The following MYO6 variants were observed in gnomAD, a reference collection of about 807,000 sequenced individuals.
MYO6 encodes the protein unconventional myosin-VI.
In MYO6, 74 loss-of-function variants were observed where a neutral mutation model predicts 178.7. The ratio of observed to expected loss-of-function variants is 0.41; its 90% CI spans 0.34 to 0.50. The LOEUF is 0.50. Ranked by LOEUF, MYO6 falls within the 20% of genes least tolerant of loss-of-function variation. The pLI is 0.09. For synonymous variants in MYO6, 477 were observed against 504.6 expected, an observed-to-expected ratio of 0.95 and a Z score of 0.73; for missense variants, 1,330 against 1,547.4, an observed-to-expected ratio of 0.86 and a Z score of 2.36.
At chr6:75,906,563 C>G (rs1232884700) in intron 30 of MYO6, among the ~76,000 whole-genome samples, 1 of 152,000 alleles carries the variant, frequency 6.6e-6, no homozygotes, top group Non-Finnish European at 1.5e-5. Flanking sequence ...GTAGTCCCAG[C>G]TATTTAGGAG....
At chr6:75,813,099 A>G (rs1770853805) in intron 1 of MYO6, among the ~76,000 whole-genome samples, 1 of 152,140 alleles carries the variant, frequency 6.6e-6, no homozygotes, top group Admixed American at 6.5e-5. Flanking sequence ...ATTACCAGTG[A>G]GTTTTGTACC....
chr6:75,840,907 C>G (rs575016261), intron 8 of MYO6, among the ~76,000 whole-genome samples: 1 of 152,244 alleles, frequency 6.6e-6, no homozygotes, highest in South Asian at 2.1e-4. Context: ...TACTGTATAG[C>G]TAGTCATGTA....
At chr6:75,893,722 G>A (rs887869778) in intron 28 of MYO6, among the ~76,000 whole-genome samples, 1 of 152,164 alleles carries the variant, frequency 6.6e-6, no homozygotes, top group African/African-American at 2.4e-5. Flanking sequence ...GGGAGCTCTG[G>A]GACTGCTTGT....
chr6:75,805,935 T>C (rs2150131893), intron 1 of MYO6, among the ~76,000 whole-genome samples: 1 of 152,296 alleles, frequency 6.6e-6, no homozygotes, highest in Non-Finnish European at 1.5e-5. Flanking sequence ...TTAAGTACTC[T>C]TCATATGCAA....
At chr6:75,802,734 A>G (rs1304146079) in intron 1 of MYO6, among the ~76,000 whole-genome samples, 2 of 152,026 alleles carry the variant, frequency 1.3e-5, no homozygotes, top group Non-Finnish European at 2.9e-5. Context: ...CAATCTCTCC[A>G]GCTTGGCCTC....
At chr6:75,881,433 C>G (rs796115866) in intron 22 of MYO6, among the ~76,000 whole-genome samples, 4 of 140,078 alleles carry the variant, frequency 2.9e-5, no homozygotes, top group African/African-American at 7.9e-5. Flanking sequence ...TCCCCCCCCC[C>G]CACTTTTGTT....
At chr6:75,898,903 C>T (rs1426666034) in intron 30 of MYO6, among the ~76,000 whole-genome samples, 1 of 152,120 alleles carries the variant, frequency 6.6e-6, no homozygotes. Context: ...GGATCTGGTC[C>T]ATTACTTTTA....
intron 14 of MYO6, among the ~76,000 whole-genome samples, chr6:75,859,947 A>G (rs1217978744): frequency 6.6e-6 from 1 of 152,206 alleles, no homozygotes; most frequent in East Asian, 1.9e-4. Context: ...GGCGTGAGCC[A>G]TCATGCCCGA....
rs1781253476 is a variant in MYO6, at chr6:75,918,541, A to G, written c.*3529A>G. ...TGCCCGGTGTATACATTCTTAGCAC[A>G]TAGGAATGGCACTGCCATACTGGAG... On this transcript the variant is annotated 3_prime_UTR_variant, in exon 35 of 35. Coordinates refer to ENST00000369977, the MANE Select transcript of MYO6 (RefSeq NM_004999.4). 1 of 152,252 alleles carries G rather than the reference A, an allele frequency of 6.6e-6. No homozygotes were observed. The highest frequency in any genetic ancestry group is 6.5e-5 in the Admixed American group (1 of 15,288). 9.4% of individuals were successfully genotyped at this position (152,252 alleles called of 1,614,324 possible).
intron 30 of MYO6, among the ~76,000 whole-genome samples, chr6:75,901,294 G>C (rs1779755493): frequency 6.6e-6 from 1 of 152,118 alleles, no homozygotes; most frequent in Non-Finnish European, 1.5e-5. Flanking sequence ...GCTTGATGGG[G>C]ATGGCATTGA....
At position 75,886,113 on chromosome 6, in the gene MYO6, A is replaced by G. The variant is rs370874013; in HGVS notation, c.2507+19A>G. 1,289 of 1,529,608 alleles carry G rather than the reference A, an allele frequency of 8.4e-4. 1 individual carries two copies. The highest frequency in any genetic ancestry group is 1.1e-3 in the Non-Finnish European group (1,249 of 1,104,682). 94.8% of individuals were successfully genotyped at this position (1,529,608 alleles called of 1,614,324 possible). A position where few individuals can be genotyped will look rare whatever the true frequency, so the allele number is the denominator to read the frequency against. On this transcript the variant is annotated intron_variant, in intron 24 of 34. Coordinates refer to ENST00000369977, the MANE Select transcript of MYO6 (RefSeq NM_004999.4). ...AACCTCGGTAAGATGAATAGTTCCT[A>G]AAAAGAACTCTACAAAACCTAGTTA...
At chr6:75,887,599 C>A (rs182985817) in intron 25 of MYO6, among the ~76,000 whole-genome samples, 2 of 142,690 alleles carry the variant, frequency 1.4e-5, no homozygotes, top group Admixed American at 7.5e-5. Context: ...CAAGATTGTG[C>A]CACTGCACTC....
intron 7 of MYO6, among the ~76,000 whole-genome samples, chr6:75,838,313 TC>T (rs1422189099): frequency 1.3e-5 from 2 of 152,052 alleles, no homozygotes; most frequent in East Asian, 3.9e-4. Context: ...TGCCTCAGCC[TC>T]CCAAAGTGTT....
In MYO6 at chr6:75,879,939, C is replaced by T; in HGVS notation, c.2197C>T (p.Leu733=). 1.2e-6 allele frequency: 2 copies of T among 1,614,082 alleles called. No individual in the cohort carries two copies. The highest frequency in any genetic ancestry group is 1.7e-6 in the Non-Finnish European group (2 of 1,179,982). ...PDKLARLDPR[L]FCKALFKALG... ...TAAACTTGCAAGATTGGATCCAAGA[C>T]TATTTTGTAAGGTATAAATGCCACC... is the stretch of plus-strand genomic sequence containing the variant. Residue 733 remains leucine (L), a synonymous_variant, in exon 21 of 35, where the codon CTA becomes TTA. Transcript: ENST00000369977.
At chr6:75,843,389 A>G (rs1443297134) in intron 9 of MYO6, among the ~76,000 whole-genome samples, 2 of 152,222 alleles carry the variant, frequency 1.3e-5, no homozygotes, top group Non-Finnish European at 2.9e-5. Context: ...GACATTTCAA[A>G]TATTTCTGCA....
chr6:75,872,443 ATTGAAAATATTGTT>A lies in MYO6; in HGVS notation c.1984-760_1984-747del, dbSNP rs1356637239. On this transcript the variant is annotated intron_variant, in intron 19 of 34. Transcript: ENST00000369977. ...TACTGTATGTTTTTGAAATAGAATG[ATTGAAAATATTGTT>A]TTGTTTTCTTTTACACTTTGGCCTA... is the stretch of plus-strand genomic sequence containing the variant. Among the ~76,000 whole-genome samples, 6 of 152,316 alleles carry A rather than the reference ATTGAAAATATTGTT, an allele frequency of 3.9e-5. No homozygotes were observed. In the East Asian group the frequency reaches 1.2e-3, roughly 29 times the overall value.
chr6:75,916,109 G>C lies in MYO6; in HGVS notation c.*1097G>C. 6.6e-6 allele frequency: 1 copy of C among 152,132 alleles called. No individual in the cohort carries two copies. Among genetic ancestry groups the C allele is most frequent in the East Asian group, 1.9e-4 (1 of 5,186 alleles). The allele number at this position is 152,132 out of a possible 1,614,324, so 9.4% of individuals were successfully genotyped here. A position where few individuals can be genotyped will look rare whatever the true frequency, so the allele number is the denominator to read the frequency against. On this transcript the variant is annotated 3_prime_UTR_variant, in exon 35 of 35. Transcript: ENST00000369977. ...GTTAGTATTGATTCAAATGTCAGCA[G>C]CTTTAAGCCTAATATTTATGACTTT...
chr6:75,822,463 T>A (rs551522510), intron 2 of MYO6, among the ~76,000 whole-genome samples: 1 of 152,190 alleles, frequency 6.6e-6, no homozygotes, highest in Non-Finnish European at 1.5e-5. Flanking sequence ...TTTAAAAAAA[T>A]TTGTTAAATA....
At chr6:75,787,736 A>C (rs1172951100) in intron 1 of MYO6, among the ~76,000 whole-genome samples, 33 of 83,036 alleles carry the variant, frequency 4.0e-4, no homozygotes, top group Non-Finnish European at 6.1e-4. Context: ...CTCTCTATAT[A>C]TATATATATA....
Sources: gnomAD v4.1 joint callset for allele counts (sites outside exome capture counted in the v4.1 genomes callset) on GRCh38, gnomAD v4.1.1 for gene constraint, MANE v1.5 for transcripts, NCBI Gene and HGNC (gene_info 2026-07-23, HGNC 2026-07-21) for gene names.